Variants in PC observed in about 807,000 individuals in gnomAD.
PC encodes pyruvate carboxylase.
Under a neutral mutation model 107.8 loss-of-function variants are expected in PC, and 46 were observed. The observed-to-expected ratio is 0.43, with a 90% CI of 0.34 to 0.55. PC has a LOEUF of 0.55. Among genes scored for constraint, PC ranks in the 20% least tolerant of loss-of-function variants. The pLI is 0.04. For missense variants in PC, 1,241 were observed against 1,643.1 expected (o/e 0.76, Z 4.23); for synonymous variants, 662 against 684.7 (o/e 0.97, Z 0.52).
chr11:66,896,895 T>G (rs1241409296), intron 3 of PC, among the ~76,000 whole-genome samples: 3 of 152,138 alleles, frequency 2.0e-5, no homozygotes, highest in Non-Finnish European at 4.4e-5. Context: ...TGGGAAAGGT[T>G]TCTCTTTCAC....
chr11:66,853,786 G>A (rs1368549240), intron 12 of PC, among the ~76,000 whole-genome samples: 1 of 152,172 alleles, frequency 6.6e-6, no homozygotes, highest in Non-Finnish European at 1.5e-5. Flanking sequence ...CCTCCCAGCT[G>A]AGTCCAGCGG....
chr11:66,856,785 C>T (rs866118890), intron 12 of PC: 1 of 151,690 alleles, frequency 6.6e-6, no homozygotes, highest in Non-Finnish European at 1.5e-5. Context: ...GAGTGAGGTT[C>T]GCGCCGCGGC....
intron 3 of PC, among the ~76,000 whole-genome samples, chr11:66,942,167 G>A (rs1473126939): frequency 6.6e-6 from 1 of 151,272 alleles, no homozygotes; most frequent in Non-Finnish European, 1.5e-5. Context: ...GGGAGGCCGA[G>A]GTGGACGGAT....
Position 66,849,604 on chromosome 11 carries a change from C to T in PC, c.3147+7G>A. Reference sequence around the variant, plus strand: ...GTGGAGTGTGGAGAAGCGCCAGAGCCACTGACCTCAAACTCCTCTGCGATC... The same window carrying T: ...GTGGAGTGTGGAGAAGCGCCAGAGCTACTGACCTCAAACTCCTCTGCGATC... On this transcript the variant is annotated splice_region_variant and intron_variant, in intron 21 of 22. Transcript: ENST00000393960. 1 of 1,614,132 alleles carries T rather than the reference C, an allele frequency of 6.2e-7. No individual in the cohort carries two copies. Among genetic ancestry groups the T allele is most frequent in the Non-Finnish European group, 8.5e-7 (1 of 1,180,038 alleles).
At chr11:66,940,656 C>T in intron 3 of PC, among the ~76,000 whole-genome samples, 1 of 151,852 alleles carries the variant, frequency 6.6e-6, no homozygotes, top group East Asian at 1.9e-4. Flanking sequence ...CCACTGTACT[C>T]CAGCCTGGGC....
At chr11:66,942,762 C>T (rs1949173733) in intron 3 of PC, among the ~76,000 whole-genome samples, 1 of 152,100 alleles carries the variant, frequency 6.6e-6, no homozygotes, top group South Asian at 2.1e-4. Flanking sequence ...CCTGTAATCC[C>T]AGCACTTTGG....
In PC at chr11:66,850,334, C is replaced by T. The variant is rs2135795366; in HGVS notation, c.2604G>A (p.Gly868=). The stretch of plus-strand genomic sequence containing the variant: ...GGAAGTGCAGGTTGGTGTACTGGCC[C>T]CCTGGGATCTCATTTTCATACACGT... The part of the protein sequence containing the change: ...NSDVYENEIP[G]GQYTNLHFQA... The change falls in exon 19 of 23, where the codon GGG becomes GGA. Residue 868 remains glycine (G), a synonymous_variant. Transcript: ENST00000393960. 1.2e-6 allele frequency: 2 copies of T among 1,614,090 alleles called. No homozygotes were observed. The highest frequency in any genetic ancestry group is 1.7e-6 in the Non-Finnish European group (2 of 1,180,014).
intron 3 of PC, among the ~76,000 whole-genome samples, chr11:66,923,179 G>A (rs577962531): frequency 5.3e-5 from 8 of 152,134 alleles, no homozygotes; most frequent in East Asian, 1.9e-4. Context: ...ATCCTAACAC[G>A]ATGAAACCCT....
Position 66,849,668 on chromosome 11 carries a change from C to T in PC, c.3090G>A (p.Leu1030=). 2 of 1,614,202 alleles carry T rather than the reference C, an allele frequency of 1.2e-6. No individual in the cohort carries two copies. Among genetic ancestry groups the T allele is most frequent in the African/African-American group, 1.3e-5 (1 of 75,046 alleles). Residue 1030 remains leucine (L), a synonymous_variant, in exon 21 of 23, where the codon CTG becomes CTA. Transcript: ENST00000393960. ...GGAAGAGGCGAGTATTCAGGCTATC[C>T]AGGGGGCCAAAGGTGGCAGTGAAGT... ...FKDFTATFGP[L]DSLNTRLFLQ...
At position 66,882,944 on chromosome 11, in the gene PC, C is replaced by T. The variant is rs112708195; in HGVS notation, c.1-10785G>A. On this transcript the variant is annotated intron_variant, in intron 3 of 22. Coordinates refer to ENST00000393960, the MANE Select transcript of PC (RefSeq NM_001040716.2). ...TGGGCAGGGGGGGCAGAAGGGAGGA[C>T]GCTGGAAACAATGCAGGTGACAGAC... 9.8e-3 allele frequency among the ~76,000 whole-genome samples: 1,492 copies of T among 152,214 alleles called. 29 individuals are homozygous for T. The highest frequency in any genetic ancestry group is 0.033 in the African/African-American group (1,370 of 41,498).
Position 66,858,468 on chromosome 11 carries a change from C to T in PC, c.1369-5085G>A, listed in dbSNP as rs866591797. On this transcript the variant is annotated intron_variant, in intron 12 of 22. Coordinates refer to ENST00000393960, the MANE Select transcript of PC (RefSeq NM_001040716.2). This position sits in a 1 kb window ranked among gnomAD's most constrained non-coding sequence, Gnocchi z 5.9. Reference sequence around the variant, plus strand: ...GAACCCCCTGCACTGCAACTGTGAGCTGCTGTGGCTGCGGCGGCTGGCGCG... The same window carrying T: ...GAACCCCCTGCACTGCAACTGTGAGTTGCTGTGGCTGCGGCGGCTGGCGCG... 1 of 1,547,662 alleles carries T rather than the reference C, an allele frequency of 6.5e-7. No homozygotes were observed. The highest frequency in any genetic ancestry group is 8.7e-7 in the Non-Finnish European group (1 of 1,153,000).
rs924160468 is a variant in PC, at chr11:66,848,908, C to A, written c.3528G>T (p.Glu1176Asp). The A allele has an allele frequency of 6.2e-7, 1 of 1,613,752 alleles. No individual in the cohort carries two copies. The highest frequency in any genetic ancestry group is 8.5e-7 in the Non-Finnish European group (1 of 1,180,026). The change falls in exon 23 of 23, where the codon GAG becomes GAT. Residue 1176 changes from glutamate to aspartate, a missense_variant. Transcript: ENST00000393960. ...CCGGTCTGGGGCAAGATCACTCGAT[C>A]TCCAGGATGAGGTCGTCACCTTCCA... ...MTLEGDDLIL[E>D]IE is the part of the protein sequence containing the mutation.
intron 3 of PC, among the ~76,000 whole-genome samples, chr11:66,941,728 G>A (rs550908025): frequency 5.3e-5 from 8 of 152,012 alleles, no homozygotes; most frequent in Admixed American, 4.6e-4. Context: ...TCCTGACCTC[G>A]TGATCTGCCT....
rs1233459061 is a variant in PC, at chr11:66,870,087, C to CT, written c.903+214dup. Among the ~76,000 whole-genome samples the CT allele has an allele frequency of 6.6e-6, 1 of 152,136 alleles. No individual in the cohort carries two copies. Among genetic ancestry groups the CT allele is most frequent in the Non-Finnish European group, 1.5e-5 (1 of 68,014 alleles). On this transcript the variant is annotated intron_variant, in intron 9 of 22. Coordinates refer to ENST00000393960, the MANE Select transcript of PC (RefSeq NM_001040716.2). This position sits in a 1 kb window ranked among gnomAD's most constrained non-coding sequence, Gnocchi z 6.1. ...TCCCTCTTCTCAGCCATCCTGGACT[C>CT]TAAGCTTGGCCTCTGGGCCAGGTGC... is the stretch of plus-strand genomic sequence containing the variant.
chr11:66,923,380 C>CA (rs1330022143), intron 3 of PC, among the ~76,000 whole-genome samples: 52,022 of 104,184 alleles, frequency 0.5, 11,016 homozygotes, highest in Middle Eastern at 0.55. Context: ...GACTCCGTCT[C>CA]AAAAAAAAAA....
chr11:66,886,268 A>G (rs1947358318), intron 3 of PC, among the ~76,000 whole-genome samples: 3 of 149,530 alleles, frequency 2.0e-5, no homozygotes. Context: ...AAGGCAGATA[A>G]GGCAGGAAGC....
intron 3 of PC, among the ~76,000 whole-genome samples, chr11:66,922,783 A>G (rs748923835): frequency 2.3e-4 from 35 of 152,202 alleles, no homozygotes; most frequent in Non-Finnish European, 4.4e-4. Flanking sequence ...CATCACTGAG[A>G]TGGCTCATTA....
In PC at chr11:66,939,961, A is replaced by T. The variant is rs147722276; in HGVS notation, c.-1+12469T>A. Among the ~76,000 whole-genome samples the T allele has an allele frequency of 2.4e-3, 358 of 152,224 alleles. 1 individual carries two copies. Among genetic ancestry groups the T allele is most frequent in the African/African-American group, 8.2e-3 (342 of 41,552 alleles). Reference sequence around the variant, plus strand: ...AAATGACAAAACTCTTGGAAAAAACATAGGGGAAAAGCTTTATATTAGATT... The same window carrying T: ...AAATGACAAAACTCTTGGAAAAAACTTAGGGGAAAAGCTTTATATTAGATT... On this transcript the variant is annotated intron_variant, in intron 3 of 22. Transcript: ENST00000393960.
chr11:66,886,314 C>T (rs1391333647), intron 3 of PC, among the ~76,000 whole-genome samples: 1 of 150,142 alleles, frequency 6.7e-6, no homozygotes, highest in East Asian at 1.9e-4. Flanking sequence ...GCAGGGAGTG[C>T]AGGCAGGGAG....
Sources: gnomAD v4.1 joint callset for allele counts (sites outside exome capture counted in the v4.1 genomes callset) on GRCh38, gnomAD v4.1.1 for gene constraint, Gnocchi (gnomAD v3.1) non-coding constraint, MANE v1.5 for transcripts, NCBI Gene and HGNC (gene_info 2026-07-23, HGNC 2026-07-21) for gene names.